TRPS1: variants seen among roughly 807,000 people sequenced by gnomAD.
TRPS1 encodes the protein transcriptional repressor GATA binding 1.
TRPS1 carries 6 observed loss-of-function variants against 101.2 expected under a neutral mutation model. The observed-to-expected ratio is 0.06, with a 90% CI of 0.03 to 0.12. TRPS1 has a LOEUF of 0.12. TRPS1 is among the 10% of genes least tolerant of loss of function. TRPS1 has a pLI of 1.00. For missense variants in TRPS1, 1,363 were observed against 1,567.0 expected (o/e 0.87, Z 2.20); for synonymous variants, 578 against 589.8 (o/e 0.98, Z 0.29).
At chr8:115,667,148 A>G (rs529571941) in intron 1 of TRPS1, among the ~76,000 whole-genome samples, 7 of 152,318 alleles carry the variant, frequency 4.6e-5, no homozygotes, top group Non-Finnish European at 4.4e-5. Context: ...CTAAAATTTA[A>G]TAAGTCCAAG....
At chr8:115,448,076 C>T (rs769907048) in intron 5 of TRPS1, among the ~76,000 whole-genome samples, 47 of 151,996 alleles carry the variant, frequency 3.1e-4, no homozygotes, top group Non-Finnish European at 5.6e-4. Flanking sequence ...TATATAGATT[C>T]AATATAATAA....
intron 5 of TRPS1, among the ~76,000 whole-genome samples, chr8:115,472,439 T>G (rs1485252272): frequency 1.3e-5 from 2 of 152,120 alleles, no homozygotes; most frequent in East Asian, 1.9e-4. Flanking sequence ...AGGAAACCAT[T>G]TTTTCTTCCT....
At position 115,411,858 on chromosome 8, in the gene TRPS1, C is replaced by T. The variant is rs1161865090; in HGVS notation, c.*2165G>A. Reference sequence around the variant, plus strand: ...AAATGACAACACAACATCAGAAAGACATTTTTTTAACTTCATTCGCTACAA... The same window carrying T: ...AAATGACAACACAACATCAGAAAGATATTTTTTTAACTTCATTCGCTACAA... On this transcript the variant is annotated 3_prime_UTR_variant, in exon 7 of 7. Coordinates refer to ENST00000395715, the MANE Select transcript of TRPS1 (RefSeq NM_014112.5). 1 of 152,066 alleles carries T rather than the reference C, an allele frequency of 6.6e-6. No homozygotes were observed. Among genetic ancestry groups the T allele is most frequent in the African/African-American group, 2.4e-5 (1 of 41,372 alleles). 9.4% of individuals were successfully genotyped at this position (152,066 alleles called of 1,614,324 possible).
chr8:115,423,241 G>T (rs1322909700), intron 5 of TRPS1, among the ~76,000 whole-genome samples: 2 of 152,218 alleles, frequency 1.3e-5, no homozygotes, highest in Non-Finnish European at 2.9e-5. Flanking sequence ...GCTTTGAGCA[G>T]TACAATTTAG....
At chr8:115,549,250 G>A (rs1255580107) in intron 5 of TRPS1, among the ~76,000 whole-genome samples, 2 of 152,140 alleles carry the variant, frequency 1.3e-5, no homozygotes, top group Non-Finnish European at 2.9e-5. Flanking sequence ...TTTAAGAAAA[G>A]AATGCTCAAG....
chr8:115,474,471 G>A (rs1586310389), intron 5 of TRPS1, among the ~76,000 whole-genome samples: 1 of 152,078 alleles, frequency 6.6e-6, no homozygotes, highest in East Asian at 1.9e-4. Context: ...GCTCTTTCTA[G>A]CAATGATACT....
intron 5 of TRPS1, among the ~76,000 whole-genome samples, chr8:115,525,931 A>G (rs1815985325): frequency 2.6e-5 from 4 of 152,204 alleles, no homozygotes; most frequent in Admixed American, 2.0e-4. Context: ...GTGTTAAGCA[A>G]ATCTTTCAGC....
At position 115,503,259 on chromosome 8, in the gene TRPS1, C is replaced by CAAA. The variant is rs3069083; in HGVS notation, c.2700+83739_2700+83741dup. 7.6e-3 allele frequency among the ~76,000 whole-genome samples: 971 copies of CAAA among 128,486 alleles called. 21 individuals carry two copies. The highest frequency in any genetic ancestry group is 0.011 in the Middle Eastern group (3 of 264). The allele number at this position is 128,486 out of a possible 152,430, so 84.3% of individuals were successfully genotyped here. A position where few individuals can be genotyped will look rare whatever the true frequency, so the allele number is the denominator to read the frequency against. On this transcript the variant is annotated intron_variant, in intron 5 of 6. Coordinates refer to ENST00000395715, the MANE Select transcript of TRPS1 (RefSeq NM_014112.5). ...CGGGAGACAGAGCAAGACTCTGTCT[C>CAAA]AAAAAAAAAAAAAAGAATGATACTA...
At chr8:115,437,945 C>A (rs916221315) in intron 5 of TRPS1, among the ~76,000 whole-genome samples, 8 of 152,136 alleles carry the variant, frequency 5.3e-5, no homozygotes, top group Non-Finnish European at 1.2e-4. Flanking sequence ...AAACCAAAGG[C>A]ATCTTATAAT....
intron 4 of TRPS1, among the ~76,000 whole-genome samples, chr8:115,597,578 G>T (rs1817816172): frequency 6.6e-6 from 1 of 151,934 alleles, no homozygotes; most frequent in South Asian, 2.1e-4. Context: ...TATCAAATCA[G>T]GTGTGATAAT....
At chr8:115,429,693 G>A (rs985936102) in intron 5 of TRPS1, among the ~76,000 whole-genome samples, 4 of 152,132 alleles carry the variant, frequency 2.6e-5, no homozygotes, top group Admixed American at 2.6e-4. Flanking sequence ...CCTGGTGAGT[G>A]AGATTTTATT....
intron 5 of TRPS1, among the ~76,000 whole-genome samples, chr8:115,444,071 T>C (rs1384568782): frequency 6.6e-6 from 1 of 152,218 alleles, no homozygotes; most frequent in Non-Finnish European, 1.5e-5. Context: ...TAGTTTATCA[T>C]TAGCATCTTA....
chr8:115,561,666 A>G (rs922005379), intron 5 of TRPS1, among the ~76,000 whole-genome samples: 9 of 152,068 alleles, frequency 5.9e-5, no homozygotes, highest in Non-Finnish European at 1.2e-4. Flanking sequence ...AGTAAAGTCT[A>G]AAGATCCATC....
chr8:115,550,027 C>T (rs1816667116), intron 5 of TRPS1, among the ~76,000 whole-genome samples: 1 of 152,144 alleles, frequency 6.6e-6, no homozygotes, highest in African/African-American at 2.4e-5. Flanking sequence ...ACCAGCCTGA[C>T]CAACATGGCG....
chr8:115,466,702 T>C (rs187700250), intron 5 of TRPS1, among the ~76,000 whole-genome samples: 24 of 152,194 alleles, frequency 1.6e-4, no homozygotes, highest in Non-Finnish European at 3.2e-4. Context: ...GCCATTTGAG[T>C]AGGGACTGCT....
intron 5 of TRPS1, among the ~76,000 whole-genome samples, chr8:115,485,970 C>T (rs1335911462): frequency 2.0e-5 from 3 of 152,208 alleles, no homozygotes; most frequent in Non-Finnish European, 4.4e-5. Flanking sequence ...AAATTATGCT[C>T]CTTCATTACA....
chr8:115,568,570 C>T (rs895461933), intron 5 of TRPS1, among the ~76,000 whole-genome samples: 4 of 152,006 alleles, frequency 2.6e-5, no homozygotes, highest in Non-Finnish European at 4.4e-5. Flanking sequence ...ATATTTTATG[C>T]TCTAGTTTCT....
intron 5 of TRPS1, among the ~76,000 whole-genome samples, chr8:115,476,533 A>G (rs1267651441): frequency 2.0e-5 from 3 of 152,118 alleles, no homozygotes; most frequent in Non-Finnish European, 4.4e-5. Context: ...TCAACCTTCT[A>G]TTCAACATAT....
intron 5 of TRPS1, among the ~76,000 whole-genome samples, chr8:115,447,439 T>C (rs946321060): frequency 1.3e-5 from 2 of 152,196 alleles, no homozygotes; most frequent in African/African-American, 4.8e-5. Context: ...ATCTCCTTTA[T>C]GTGTTTTAGA....
Sources: allele counts gnomAD v4.1 joint callset (sites outside exome capture counted in the v4.1 genomes callset), GRCh38; gene constraint gnomAD v4.1.1; transcripts MANE v1.5; gene names NCBI Gene and HGNC (gene_info 2026-07-23, HGNC 2026-07-21).